BRD3: variants seen among roughly 807,000 people sequenced by gnomAD.
BRD3 encodes the protein bromodomain-containing protein 3.
Under a neutral mutation model 66.8 loss-of-function variants are expected in BRD3, and 17 were observed. The observed-to-expected ratio is 0.25, with a 90% CI of 0.17 to 0.38. The LOEUF (loss-of-function observed/expected upper bound fraction) is 0.38, where lower values mean the gene tolerates loss of function less well. Among genes scored for constraint, BRD3 ranks in the 10% least tolerant of loss-of-function variants. BRD3 has a pLI of 1.00. For synonymous variants in BRD3, 421 were observed against 393.2 expected, an observed-to-expected ratio of 1.07 and a Z score of -0.84; for missense variants, 713 against 956.1, an observed-to-expected ratio of 0.75 and a Z score of 3.35.
rs202175011 is a variant in BRD3 at position 134,051,724 on chromosome 9, A to G, written c.352-15T>C. 1.7e-5 allele frequency: 27 copies of G among 1,586,652 alleles called. No individual in the cohort carries two copies. The highest frequency in any genetic ancestry group is 2.2e-5 in the Non-Finnish European group (26 of 1,172,062). The stretch of plus-strand genomic sequence containing the variant: ...TCATCTGTGGGCTGAAGACACAGAG[A>G]GTCCAGGTCACGTGTCAGGAAAGGA... On this transcript the variant is annotated splice_polypyrimidine_tract_variant and intron_variant, in intron 3 of 11. Transcript: ENST00000303407.
At position 134,065,503 on chromosome 9, in the gene BRD3, G is replaced by A. The variant is rs549675720; in HGVS notation, c.-114+2442C>T. On this transcript the variant is annotated intron_variant, in intron 1 of 11. Transcript: ENST00000303407. ...TCAGGTCAGTTATACTTTGATGACC[G>A]GTCAAGGAAGCAAGAGGAGGATCCT... 2.0e-5 allele frequency among the ~76,000 whole-genome samples: 3 copies of A among 151,836 alleles called. No individual in the cohort carries two copies. In the South Asian group the frequency reaches 6.3e-4, roughly 32 times the overall value.
At chr9:134,044,666 AAAATGCACAC>A (rs1830130199) in intron 7 of BRD3, among the ~76,000 whole-genome samples, 1 of 152,196 alleles carries the variant, frequency 6.6e-6, no homozygotes. Context: ...CTTTGGCAGA[AAAATGCACAC>A]GCAGGCAGGA....
chr9:134,041,772 C>T lies in BRD3; in HGVS notation c.1395G>A (p.Glu465=), dbSNP rs2810487. 1.2e-6 allele frequency: 2 copies of T among 1,610,258 alleles called. No individual in the cohort carries two copies. Among genetic ancestry groups the T allele is most frequent in the Non-Finnish European group, 1.7e-6 (2 of 1,179,690 alleles). ...TGCCAGTGCCCACCTGCTCCTGCAG[C>T]TCCGCCAGCCTGGTGGCCCGCTCCT... ...SEEERATRLA[E]LQEQLKAVHE... The change falls in exon 8 of 12, where the codon GAG becomes GAA. Residue 465 remains glutamate (E), a synonymous_variant. Transcript: ENST00000303407.
intron 1 of BRD3, chr9:134,053,852 A>T: frequency 4.1e-6 from 1 of 245,290 alleles, no homozygotes; most frequent in East Asian, 7.1e-5. Context: ...GCTCAGGCAC[A>T]TGCCACTTGC....
In BRD3 at chr9:134,041,814, G is replaced by A. The variant is rs1399563542; in HGVS notation, c.1353C>T (p.Gly451=). Residue 451 remains glycine, a synonymous_variant, in exon 8 of 12, where the codon GGC becomes GGT. Transcript: ENST00000303407. The part of the protein sequence containing the change: ...RSSEESSSDS[G]SSDSEEERAT... ...CCCGCTCCTCCTCCGAGTCCGAGCT[G>A]CCTGAGTCCGAAGAGCTCTCCTCAC... The A allele has an allele frequency of 4.3e-6, 7 of 1,612,730 alleles. No individual in the cohort carries two copies. The South Asian group carries it at 6.6e-5, about 15-fold the overall frequency.
intron 4 of BRD3, among the ~76,000 whole-genome samples, chr9:134,050,871 A>G (rs971575149): frequency 1.3e-5 from 2 of 152,150 alleles, no homozygotes; most frequent in Admixed American, 6.5e-5. Context: ...CCTGGCAGTC[A>G]AGGGCCACCC....
chr9:134,066,799 G>A (rs988367504), intron 1 of BRD3, among the ~76,000 whole-genome samples: 7 of 152,232 alleles, frequency 4.6e-5, no homozygotes, highest in African/African-American at 1.2e-4. Flanking sequence ...ATGTAAGGGG[G>A]AGAAATCCCA....
intron 5 of BRD3, among the ~76,000 whole-genome samples, chr9:134,050,091 C>T (rs1413033589): frequency 6.6e-6 from 1 of 152,230 alleles, no homozygotes; most frequent in Non-Finnish European, 1.5e-5. Flanking sequence ...CCACAACTTC[C>T]CCACCTTGAC....
At chr9:134,059,793 G>C (rs1830499852) in intron 1 of BRD3, among the ~76,000 whole-genome samples, 2 of 152,212 alleles carry the variant, frequency 1.3e-5, no homozygotes, top group African/African-American at 4.8e-5. Flanking sequence ...CTCGCTCCAG[G>C]GGGCTCTTTG....
At chr9:134,049,546 G>A (rs1041217259) in intron 5 of BRD3, among the ~76,000 whole-genome samples, 13 of 152,350 alleles carry the variant, frequency 8.5e-5, no homozygotes, top group Middle Eastern at 3.4e-3. Context: ...GGACAGACTC[G>A]TCTGGCCGTG....
At chr9:134,050,629 C>T (rs373121014) in intron 4 of BRD3, 41 bp from the exon 5 acceptor site, 1 of 1,536,742 alleles carries the variant, frequency 6.5e-7, no homozygotes, top group Non-Finnish European at 8.9e-7. Flanking sequence ...CCAGGCTCCA[C>T]TAGTATTTCC....
intron 9 of BRD3, among the ~76,000 whole-genome samples, chr9:134,037,815 T>A (rs1355802855): frequency 6.6e-6 from 1 of 151,998 alleles, no homozygotes; most frequent in Non-Finnish European, 1.5e-5. Context: ...AAATTACCAA[T>A]ATCAGGAATG....
At chr9:134,044,052 C>T (rs2132405145) in intron 7 of BRD3, among the ~76,000 whole-genome samples, 1 of 152,376 alleles carries the variant, frequency 6.6e-6, no homozygotes, top group South Asian at 2.1e-4. Flanking sequence ...CCTCTATGCT[C>T]AGCTCCCTCG....
intron 10 of BRD3, among the ~76,000 whole-genome samples, chr9:134,035,599 T>C (rs1238641723): frequency 6.6e-6 from 1 of 152,202 alleles, no homozygotes; most frequent in Admixed American, 6.5e-5. Context: ...TAAGACAAGC[T>C]GGTCTGCCCT....
At chr9:134,034,039 C>T (rs1366730267) in intron 11 of BRD3, among the ~76,000 whole-genome samples, 1 of 152,136 alleles carries the variant, frequency 6.6e-6, no homozygotes, top group Non-Finnish European at 1.5e-5. Flanking sequence ...CTGCCTGGGG[C>T]GTCCAAAGAG....
intron 9 of BRD3, among the ~76,000 whole-genome samples, 185 bp downstream of exon 9, chr9:134,039,849 A>AGCATC (rs1488930190): frequency 6.6e-6 from 1 of 152,210 alleles, no homozygotes. Flanking sequence ...ACAACTGAGC[A>AGCATC]GCATCACCTG....
At chr9:134,046,807 A>G (rs1410941923) in intron 6 of BRD3, among the ~76,000 whole-genome samples, 1 of 152,218 alleles carries the variant, frequency 6.6e-6, no homozygotes, top group Non-Finnish European at 1.5e-5. Context: ...GCTCCGAACA[A>G]AGCAGATCAT....
At chr9:134,039,004 G>A (rs989904852) in intron 9 of BRD3, among the ~76,000 whole-genome samples, 5 of 152,010 alleles carry the variant, frequency 3.3e-5, no homozygotes, top group African/African-American at 1.2e-4. Flanking sequence ...CATTCCACTC[G>A]CTGTCTTCAT....
chr9:134,041,593 C>A (rs1342019260), intron 8 of BRD3, among the ~76,000 whole-genome samples, 167 bp downstream of exon 8: 5 of 152,266 alleles, frequency 3.3e-5, no homozygotes, highest in Admixed American at 2.0e-4. Flanking sequence ...GCTCGCACCA[C>A]CCCAGACCTG....
Sources: gnomAD v4.1 joint callset for allele counts (sites outside exome capture counted in the v4.1 genomes callset) on GRCh38, gnomAD v4.1.1 for gene constraint, MANE v1.5 for transcripts, NCBI Gene and HGNC (gene_info 2026-07-23, HGNC 2026-07-21) for gene names.